Variants in SEC61A1 observed in about 807,000 individuals in gnomAD.
SEC61A1 encodes the protein SEC61 translocon subunit alpha 1.
Under a neutral mutation model 55.2 loss-of-function variants are expected in SEC61A1, and 15 were observed. That is an observed-to-expected ratio of 0.27 (90% confidence interval 0.18 to 0.42). The LOEUF is 0.42. Among genes scored for constraint, SEC61A1 ranks in the 10% least tolerant of loss-of-function variants. SEC61A1 has a pLI of 1.00. For missense variants in SEC61A1, 284 were observed against 602.6 expected (o/e 0.47, Z 5.53); for synonymous variants, 247 against 234.0 (o/e 1.06, Z -0.51).
intron 7 of SEC61A1, among the ~76,000 whole-genome samples, chr3:128,063,549 C>T (rs1236223852): frequency 6.6e-6 from 1 of 152,204 alleles, no homozygotes; most frequent in Non-Finnish European, 1.5e-5. Context: ...CTTGGCCAGG[C>T]TGGTCTTGAA....
At chr3:128,060,401 T>A in intron 6 of SEC61A1, 107 bp from the exon 7 acceptor site, 1 of 1,275,166 alleles carries the variant, frequency 7.8e-7, no homozygotes, top group Non-Finnish European at 1.1e-6. Flanking sequence ...GAGGATGTGA[T>A]CTCATTCCGT....
chr3:128,056,269 C>A (rs934992864), intron 4 of SEC61A1, among the ~76,000 whole-genome samples: 19 of 152,190 alleles, frequency 1.2e-4, no homozygotes, highest in African/African-American at 4.6e-4. Context: ...AATTCCAAAT[C>A]AGTTGGAAGT....
At chr3:128,063,544 C>G (rs929582962) in intron 7 of SEC61A1, among the ~76,000 whole-genome samples, 3 of 152,206 alleles carry the variant, frequency 2.0e-5, no homozygotes, top group Non-Finnish European at 4.4e-5. Flanking sequence ...ACCATCTTGG[C>G]CAGGCTGGTC....
intron 11 of SEC61A1, 147 bp from the exon 12 acceptor site, chr3:128,069,329 C>T (rs1013601845): frequency 1.6e-5 from 12 of 755,224 alleles, no homozygotes; most frequent in African/African-American, 7.0e-5. Context: ...TGGCCTAGAG[C>T]GCTAGCATGT....
At chr3:128,053,165 C>T (rs1325211678) in intron 2 of SEC61A1, among the ~76,000 whole-genome samples, 1 of 152,054 alleles carries the variant, frequency 6.6e-6, no homozygotes, top group East Asian at 1.9e-4. Flanking sequence ...TTGCCCTGTC[C>T]CAAAAATGGA....
Position 128,071,060 on chromosome 3 carries a change from A to G in SEC61A1, c.*1398A>G, listed in dbSNP as rs73210934. On this transcript the variant is annotated 3_prime_UTR_variant, in exon 12 of 12. Coordinates refer to ENST00000243253, the MANE Select transcript of SEC61A1 (RefSeq NM_013336.4). ...CCTGTCGGGGAGACCCCACTCTGAC[A>G]GTGGGCACACGGCAGCCTGCAAAGC... 7.3e-3 allele frequency: 1,111 copies of G among 152,470 alleles called. 8 individuals are homozygous for G. Among genetic ancestry groups the G allele is most frequent in the Middle Eastern group, 0.014 (4 of 294 alleles). The allele number at this position is 152,470 out of a possible 1,614,324, so 9.4% of individuals were successfully genotyped here.
intron 4 of SEC61A1, among the ~76,000 whole-genome samples, 197 bp from the exon 5 acceptor site, chr3:128,056,512 T>C (rs1463330382): frequency 3.3e-5 from 5 of 152,254 alleles, no homozygotes; most frequent in Non-Finnish European, 7.3e-5. Context: ...AGCTGTTGCC[T>C]GGCAGGCTGA....
intron 5 of SEC61A1, among the ~76,000 whole-genome samples, chr3:128,058,494 G>C (rs768982157): frequency 1.3e-5 from 2 of 152,138 alleles, no homozygotes; most frequent in East Asian, 3.9e-4. Context: ...GATTACAGGC[G>C]TGAGCCACAG....
rs9827668 is a variant in SEC61A1 at position 128,056,637 on chromosome 3, G to A, written c.221-72G>A. ...TAAGGGGTACCCAGTCAAATTTTGC[G>A]TATTCATTTTTAAAATAACGTACTA... On this transcript the variant is annotated intron_variant, in intron 4 of 11. Transcript: ENST00000243253. The A allele has an allele frequency of 8.5e-4, 1,145 of 1,346,578 alleles. 8 individuals are homozygous for A. In the South Asian group the frequency reaches 0.021, roughly 24 times the overall value. 83.4% of individuals were successfully genotyped at this position (1,346,578 alleles called of 1,614,324 possible). A position where few individuals can be genotyped will look rare whatever the true frequency, so the allele number is the denominator to read the frequency against.
chr3:128,068,608 T>A (rs1942057024), intron 11 of SEC61A1: 2 of 153,660 alleles, frequency 1.3e-5, no homozygotes, highest in Admixed American at 1.3e-4. Flanking sequence ...GAAACCACGC[T>A]AGAGAGGGAG....
chr3:128,063,920 C>T (rs1277627726), intron 7 of SEC61A1, among the ~76,000 whole-genome samples: 1 of 152,228 alleles, frequency 6.6e-6, no homozygotes, highest in East Asian at 1.9e-4. Flanking sequence ...TCACTTGTTA[C>T]TCTGTTGTCT....
At chr3:128,066,091 A>G (rs370838834) in intron 8 of SEC61A1, among the ~76,000 whole-genome samples, 2 of 152,074 alleles carry the variant, frequency 1.3e-5, no homozygotes, top group East Asian at 1.9e-4. Flanking sequence ...TGTTCTAGGT[A>G]CTGGGAGCTC....
chr3:128,055,845 G>A (rs1211310557), intron 4 of SEC61A1, 94 bp downstream of exon 4: 1 of 1,003,216 alleles, frequency 1.0e-6, no homozygotes, highest in Non-Finnish European at 1.5e-6. Flanking sequence ...ATGGAACTTA[G>A]AGAGTGACTT....
intron 5 of SEC61A1, among the ~76,000 whole-genome samples, chr3:128,059,468 CAAAAA>C (rs796958852): frequency 1.0e-5 from 1 of 99,632 alleles, no homozygotes. Context: ...GACTCCGTCT[CAAAAA>C]AAAAAAAAAG....
intron 6 of SEC61A1, 65 bp downstream of exon 6, chr3:128,060,276 C>G (rs72974027): frequency 7.9e-7 from 1 of 1,260,930 alleles, no homozygotes; most frequent in Non-Finnish European, 1.2e-6. Context: ...TCTCACATAA[C>G]GAATCTCAAG....
At position 128,052,446 on chromosome 3, in the gene SEC61A1, C is replaced by CTCGGCGGAGCTGCTGTGCAGTGGA; in HGVS notation, c.-106_-83dup. On this transcript the variant is annotated 5_prime_UTR_variant, in exon 1 of 12. Coordinates refer to ENST00000243253, the MANE Select transcript of SEC61A1 (RefSeq NM_013336.4). ...CCGCCGGGCTAGCACTGACGTGTCT[C>CTCGGCGGAGCTGCTGTGCAGTGGA]TCGGCGGAGCTGCTGTGCAGTGGAA... 1 of 1,435,596 alleles carries CTCGGCGGAGCTGCTGTGCAGTGGA rather than the reference C, an allele frequency of 7.0e-7. No individual in the cohort carries two copies. The highest frequency in any genetic ancestry group is 9.2e-7 in the Non-Finnish European group (1 of 1,092,062). The allele number at this position is 1,435,596 out of a possible 1,614,324, so 88.9% of individuals were successfully genotyped here.
intron 2 of SEC61A1, 54 bp downstream of exon 2, chr3:128,052,956 G>A: frequency 1.4e-6 from 2 of 1,409,734 alleles, no homozygotes; most frequent in Non-Finnish European, 2.0e-6. Flanking sequence ...TCTGGACTCT[G>A]GAAGTTTACA....
intron 5 of SEC61A1, among the ~76,000 whole-genome samples, chr3:128,059,214 C>T (rs1020416692): frequency 1.3e-5 from 2 of 152,122 alleles, no homozygotes; most frequent in African/African-American, 4.8e-5. Flanking sequence ...TGGCTCATGT[C>T]TGTAATCCCC....
intron 2 of SEC61A1, among the ~76,000 whole-genome samples, chr3:128,055,256 C>G (rs775526021): frequency 6.6e-6 from 1 of 152,114 alleles, no homozygotes; most frequent in Non-Finnish European, 1.5e-5. Flanking sequence ...TTCTAAGGCT[C>G]AGTTGTAAAA....
Sources: allele counts gnomAD v4.1 joint callset (sites outside exome capture counted in the v4.1 genomes callset), GRCh38; gene constraint gnomAD v4.1.1; transcripts MANE v1.5; gene names NCBI Gene and HGNC (gene_info 2026-07-23, HGNC 2026-07-21).